The following GZF1 variants were observed in gnomAD, a reference collection of about 807,000 sequenced individuals.
GZF1 encodes GDNF-inducible zinc finger protein 1.
A neutral mutation model predicts 49.4 loss-of-function variants in GZF1; 28 were observed. The ratio of observed to expected loss-of-function variants is 0.57; its 90% CI spans 0.42 to 0.78. GZF1 has a LOEUF of 0.78. Among genes scored for constraint, GZF1 ranks in the 30% least tolerant of loss-of-function variants. The pLI is 0.00. For synonymous variants in GZF1, 364 were observed against 356.0 expected (o/e 1.02, Z -0.25); for missense variants, 798 against 916.2 (o/e 0.87, Z 1.67).
rs1388872003 is a variant in GZF1, at chr20:23,365,255, T to C, written c.872T>C (p.Leu291Ser). 5 of 1,604,314 alleles carry C rather than the reference T, an allele frequency of 3.1e-6. No individual in the cohort carries two copies. Among genetic ancestry groups the C allele is most frequent in the Admixed American group, 3.4e-5 (2 of 58,686 alleles). Residue 291 changes from leucine (L) to serine (S), a missense_variant, in exon 2 of 6, where the codon TTG becomes TCG. This residue lies in a region of GZF1 where 247 missense variants were observed against 228.5 expected (regional missense o/e 1.08). Coordinates refer to ENST00000338121, the MANE Select transcript of GZF1 (RefSeq NM_022482.5). ...GCQAGAELEE[L>S]SKKAGPEEEE... ...CAGGCAGGTGCTGAGTTGGAGGAAT[T>C]GTCAAAGAAAGCAGGGCCGGAGGAG... is the stretch of plus-strand genomic sequence containing the variant.
chr20:23,372,735 G>A lies in GZF1; in HGVS notation c.*2294G>A, dbSNP rs1307188538. The A allele has an allele frequency of 1.3e-5, 2 of 152,228 alleles. No individual in the cohort carries two copies. Among genetic ancestry groups the A allele is most frequent in the Non-Finnish European group, 2.9e-5 (2 of 68,062 alleles). The allele number at this position is 152,228 out of a possible 1,614,324, so 9.4% of individuals were successfully genotyped here. On this transcript the variant is annotated 3_prime_UTR_variant, in exon 6 of 6. Transcript: ENST00000338121. ...AGTGGATTGGTCCCAAGTGTGTAAT[G>A]AGGAAAGTGGCCAGGTGCCGGCACA...
chr20:23,364,177 G>A (rs1189413993), intron 1 of GZF1, among the ~76,000 whole-genome samples, 186 bp from the exon 2 acceptor site: 1 of 152,168 alleles, frequency 6.6e-6, no homozygotes, highest in Non-Finnish European at 1.5e-5. Flanking sequence ...TATTACCTTA[G>A]GAAAATGCAT....
chr20:23,365,815 T>C (rs752855974), intron 2 of GZF1, 68 bp downstream of exon 2: 384 of 1,438,746 alleles, frequency 2.7e-4, no homozygotes, highest in Non-Finnish European at 3.4e-4. Context: ...GAGGTCGTCC[T>C]GGGATTTGAT....
At position 23,365,106 on chromosome 20, in the gene GZF1, G is replaced by A. The variant is rs780831867; in HGVS notation, c.723G>A (p.Thr241=). Residue 241 remains threonine, a synonymous_variant, in exon 2 of 6, where the codon ACG becomes ACA. Transcript: ENST00000338121. ...TGGAGATCCCTAAAAAGAAATATACGAGAAGACTCCGAGAGCAGCAGAAAA... is the reference window on the plus strand; with the variant it reads ...TGGAGATCCCTAAAAAGAAATATACAAGAAGACTCCGAGAGCAGCAGAAAA... ...VFVEIPKKKY[T]RRLREQQKTA... The A allele has an allele frequency of 4.4e-5, 71 of 1,613,856 alleles. 1 individual carries two copies. The South Asian group carries it at 7.0e-4, about 16-fold the overall frequency.
At position 23,365,565 on chromosome 20, in the gene GZF1, G is replaced by A. The variant is rs1258974174; in HGVS notation, c.1182G>A (p.Arg394=). The A allele has an allele frequency of 1.2e-6, 2 of 1,612,100 alleles. No homozygotes were observed. The highest frequency in any genetic ancestry group is 1.7e-6 in the Non-Finnish European group (2 of 1,179,646). The change falls in exon 2 of 6, where the codon CGG becomes CGA. Residue 394 remains arginine, a synonymous_variant. Transcript: ENST00000338121. ...TCAAGCGCAAGAAGGACGTGAAGCG[G>A]CACGTGCTGCAGGTGCATGAGGGCG... The part of the protein sequence containing the change: ...KKFKRKKDVK[R]HVLQVHEGGG...
At chr20:23,367,144 A>G in intron 3 of GZF1, 47 bp downstream of exon 3, 2 of 1,320,712 alleles carry the variant, frequency 1.5e-6, no homozygotes, top group Non-Finnish European at 2.2e-6. Context: ...TAGATCTAGA[A>G]GGAAATGCAA....
chr20:23,365,601 G>A lies in GZF1; in HGVS notation c.1218G>A (p.Arg406=). The stretch of plus-strand genomic sequence containing the variant: ...AGGTGCATGAGGGCGGCGGCGAGCG[G>A]CACCGCTGCGGCCAGTGCGGCAAGG... The part of the protein sequence containing the change: ...VLQVHEGGGE[R]HRCGQCGKGL... The change falls in exon 2 of 6, where the codon CGG becomes CGA. Residue 406 remains arginine (R), a synonymous_variant. Coordinates refer to ENST00000338121, the MANE Select transcript of GZF1 (RefSeq NM_022482.5). The A allele has an allele frequency of 1.2e-6, 2 of 1,607,792 alleles. No homozygotes were observed. The highest frequency in any genetic ancestry group is 1.7e-5 in the Admixed American group (1 of 59,972).
intron 5 of GZF1, 102 bp from the exon 6 acceptor site, chr20:23,369,989 T>C: frequency 9.5e-7 from 1 of 1,049,632 alleles, no homozygotes; most frequent in Non-Finnish European, 1.4e-6. Flanking sequence ...GGGTACTTAT[T>C]AGTGAAAGTT....
At chr20:23,367,247 C>A in intron 3 of GZF1, 150 bp downstream of exon 3, 1 of 622,676 alleles carries the variant, frequency 1.6e-6, no homozygotes, top group Non-Finnish European at 2.9e-6. Flanking sequence ...AATGAATAAA[C>A]ATACACCCAT....
In GZF1 at chr20:23,370,341, A is replaced by C. The variant is rs1376626589; in HGVS notation, c.2036A>C (p.Gln679Pro). The change falls in exon 6 of 6, where the codon CAG becomes CCG. Residue 679 changes from glutamine to proline, a missense_variant. Physicochemically the swap from Gln to Pro is moderately conservative, Grantham distance 76 (BLOSUM62 -1). This residue lies in a region of GZF1 where 446 missense variants were observed against 540.1 expected (regional missense o/e 0.83). Transcript: ENST00000338121. ...ACKADDSVVS[Q>P]DTLLATTISE... ...AAGGCAGATGACTCCGTGGTGTCCC[A>C]GGACACCCTCCTGGCCACCACCATC... 1.2e-6 allele frequency: 2 copies of C among 1,613,128 alleles called. No homozygotes were observed. The highest frequency in any genetic ancestry group is 2.7e-5 in the African/African-American group (2 of 74,914).
intron 5 of GZF1, 50 bp from the exon 6 acceptor site, chr20:23,370,041 A>G: frequency 1.4e-6 from 2 of 1,467,052 alleles, no homozygotes. Flanking sequence ...TAAAAGATGC[A>G]CTTGTCCAGA....
intron 3 of GZF1, 147 bp from the exon 4 acceptor site, chr20:23,368,615 A>ATC: frequency 2.2e-6 from 1 of 462,834 alleles, no homozygotes; most frequent in Non-Finnish European, 3.8e-6. Context: ...ATGAATATAT[A>ATC]TTTTATGATA....
Position 23,364,456 on chromosome 20 carries a change from C to T in GZF1, c.73C>T (p.Arg25Cys), listed in dbSNP as rs140549788. The part of the protein sequence containing the change: ...FNLLHEMHEL[R>C]LLGHLCDVTV... ...CCTACTGCATGAGATGCATGAGCTT[C>T]GCCTCCTGGGTCACCTGTGTGACGT... Residue 25 changes from arginine to cysteine, a missense_variant, in exon 2 of 6, where the codon CGC (arginine) becomes TGC (cysteine). Physicochemically the swap from Arg to Cys is radical, Grantham distance 180. This residue lies in a region of GZF1 where 105 missense variants were observed against 147.5 expected (regional missense o/e 0.71). Coordinates refer to ENST00000338121, the MANE Select transcript of GZF1 (RefSeq NM_022482.5). The T allele has an allele frequency of 3.1e-6, 5 of 1,613,952 alleles. No homozygotes were observed. The highest frequency in any genetic ancestry group is 1.1e-5 in the South Asian group (1 of 91,078).
rs905827450 is a variant in GZF1, at chr20:23,370,516, A to G, written c.*75A>G. 1 of 990,276 alleles carries G rather than the reference A, an allele frequency of 1.0e-6. No individual in the cohort carries two copies. Among genetic ancestry groups the G allele is most frequent in the African/African-American group, 1.6e-5 (1 of 60,906 alleles). The allele number at this position is 990,276 out of a possible 1,614,324, so 61.3% of individuals were successfully genotyped here. A position where few individuals can be genotyped will look rare whatever the true frequency, so the allele number is the denominator to read the frequency against. ...CTCAAGATGATGTGGGGCTAAGAAA[A>G]ATAATTGTCCATGTGCAAAGATGTG... On this transcript the variant is annotated 3_prime_UTR_variant, in exon 6 of 6. Transcript: ENST00000338121.
rs1293363482 is a variant in GZF1 at position 23,369,667 on chromosome 20, G to A, written c.1711G>A (p.Gly571Arg). 2 of 1,614,138 alleles carry A rather than the reference G, an allele frequency of 1.2e-6. No homozygotes were observed. The highest frequency in any genetic ancestry group is 1.7e-5 in the Admixed American group (1 of 60,020). The change falls in exon 5 of 6, where the codon GGG (glycine) becomes AGG (arginine). Residue 571 changes from glycine to arginine, a missense_variant. Gly to Arg is a moderately radical substitution (Grantham distance 125). Coordinates refer to ENST00000338121, the MANE Select transcript of GZF1 (RefSeq NM_022482.5). ...CCAGCGCCACCGCCGCATCCACACA[G>A]GGGAGAGGCCATTCATGTGCAATGC... is the stretch of plus-strand genomic sequence containing the variant. ...ALQRHRRIHT[G>R]ERPFMCNACG...
Position 23,370,188 on chromosome 20 carries a change from A to G in GZF1, c.1883A>G (p.Glu628Gly). ...CACAAGACTGAACAGCCTGACGAAG[A>G]GTATGTGTCATCCAAGCTTTCGGAT... The part of the protein sequence containing the change: ...DGHKTEQPDE[E>G]YVSSKLSDKL... Residue 628 changes from glutamate (E) to glycine (G), a missense_variant, in exon 6 of 6, where the codon GAG (glutamate) becomes GGG (glycine). By Grantham distance (98) the Glu-to-Gly change is moderately conservative. Around this residue, in one of 3 missense-constraint regions of GZF1, gnomAD observed 446 missense variants for 540.1 expected, o/e 0.83. Coordinates refer to ENST00000338121, the MANE Select transcript of GZF1 (RefSeq NM_022482.5). 6.2e-7 allele frequency: 1 copy of G among 1,614,214 alleles called. No homozygotes were observed. The highest frequency in any genetic ancestry group is 1.3e-5 in the African/African-American group (1 of 75,058).
At position 23,365,264 on chromosome 20, in the gene GZF1, A is replaced by G. The variant is rs1555786624; in HGVS notation, c.881A>G (p.Lys294Arg). 3.1e-6 allele frequency: 5 copies of G among 1,605,736 alleles called. No individual in the cohort carries two copies. In the South Asian group the frequency reaches 5.5e-5, roughly 18 times the overall value. The change falls in exon 2 of 6, where the codon AAA becomes AGA. Residue 294 changes from lysine (K) to arginine (R), a missense_variant. Around this residue, in one of 3 missense-constraint regions of GZF1, gnomAD observed 247 missense variants for 228.5 expected, o/e 1.08. Transcript: ENST00000338121. ...GCTGAGTTGGAGGAATTGTCAAAGA[A>G]AGCAGGGCCGGAGGAGGAAGAGGAG... ...AGAELEELSK[K>R]AGPEEEEEEE...
chr20:23,366,111 CA>C (rs1981345505), intron 2 of GZF1, among the ~76,000 whole-genome samples: 1 of 152,214 alleles, frequency 6.6e-6, no homozygotes, highest in Admixed American at 6.5e-5. Context: ...CCCACAGTCT[CA>C]GTAGAGACCT....
At chr20:23,369,548 G>C in intron 4 of GZF1, 36 bp from the exon 5 acceptor site, 1 of 1,570,178 alleles carries the variant, frequency 6.4e-7, no homozygotes, top group Non-Finnish European at 8.6e-7. Flanking sequence ...GTAGGCCAAA[G>C]GGACCCACCA....
Sources: gnomAD v4.1 joint callset for allele counts (sites outside exome capture counted in the v4.1 genomes callset) on GRCh38, gnomAD v4.1.1 for gene constraint, gnomAD v4.1.1 regional missense constraint, MANE v1.5 for transcripts, NCBI Gene and HGNC (gene_info 2026-07-23, HGNC 2026-07-21) for gene names.